The following NEGR1 variants were observed in gnomAD, a reference collection of about 807,000 sequenced individuals.
NEGR1 encodes the protein neuronal growth regulator 1.
NEGR1 carries 10 observed loss-of-function variants against 40.9 expected under a neutral mutation model. That is an observed-to-expected ratio of 0.24 (90% CI 0.15 to 0.42). The LOEUF is 0.42. NEGR1 is among the 10% of genes least tolerant of loss of function. NEGR1 has a pLI of 1.00. For synonymous variants in NEGR1, 185 were observed against 166.8 expected (o/e 1.11, Z -0.84); for missense variants, 352 against 438.9 (o/e 0.80, Z 1.77).
chr1:72,020,651 A>G (rs952509016), intron 1 of NEGR1, among the ~76,000 whole-genome samples: 6 of 152,208 alleles, frequency 3.9e-5, no homozygotes, highest in Non-Finnish European at 8.8e-5. Context: ...TATAGAAATA[A>G]CAAGGTAAAT....
chr1:71,924,887 C>G (rs1645757840), intron 2 of NEGR1, among the ~76,000 whole-genome samples: 1 of 151,732 alleles, frequency 6.6e-6, no homozygotes, highest in African/African-American at 2.4e-5. Flanking sequence ...TCTAACTAAT[C>G]CTTTTTTTTT....
intron 1 of NEGR1, among the ~76,000 whole-genome samples, chr1:71,950,397 G>A (rs573973061): frequency 6.6e-6 from 1 of 152,000 alleles, no homozygotes; most frequent in East Asian, 1.9e-4. Flanking sequence ...AAAAAAGAAT[G>A]CAAATTGAGT....
At chr1:71,684,883 C>A (rs944864553) in intron 4 of NEGR1, among the ~76,000 whole-genome samples, 27 of 152,126 alleles carry the variant, frequency 1.8e-4, no homozygotes, top group African/African-American at 6.5e-4. Context: ...GTACTGTGTT[C>A]TCTCAAACTT....
intron 4 of NEGR1, among the ~76,000 whole-genome samples, chr1:71,689,314 TTAAA>T (rs1375669818): frequency 2.6e-5 from 4 of 152,140 alleles, no homozygotes; most frequent in African/African-American, 9.7e-5. Flanking sequence ...TCTATAAAAC[TTAAA>T]TAACTATCAG....
At chr1:72,103,718 T>C (rs1649028900) in intron 1 of NEGR1, among the ~76,000 whole-genome samples, 1 of 152,076 alleles carries the variant, frequency 6.6e-6, no homozygotes, top group Admixed American at 6.6e-5. Context: ...TTCTCAGGTT[T>C]ATATTTTCTC....
intron 6 of NEGR1, among the ~76,000 whole-genome samples, chr1:71,439,354 T>TGTTTTTGTTTGTTC (rs1646531500): frequency 6.6e-6 from 1 of 152,148 alleles, no homozygotes; most frequent in Non-Finnish European, 1.5e-5. Flanking sequence ...CCTTCAATAA[T>TGTTTTTGTTTGTTC]GTTTTTGTTT....
At chr1:71,819,600 G>T (rs1294294185) in intron 2 of NEGR1, among the ~76,000 whole-genome samples, 3 of 151,890 alleles carry the variant, frequency 2.0e-5, no homozygotes, top group Admixed American at 6.6e-5. Flanking sequence ...AAAGAACAAA[G>T]AGATAGAAAA....
At chr1:71,869,425 A>T (rs986075387) in intron 2 of NEGR1, among the ~76,000 whole-genome samples, 21 of 152,188 alleles carry the variant, frequency 1.4e-4, no homozygotes, top group Non-Finnish European at 2.5e-4. Context: ...GGTTAAAAAT[A>T]AATCTGAATA....
chr1:71,487,661 C>T (rs1231932300), intron 6 of NEGR1, among the ~76,000 whole-genome samples: 2 of 151,578 alleles, frequency 1.3e-5, no homozygotes, highest in Non-Finnish European at 2.9e-5. Context: ...TATTACTGAG[C>T]TATGAATGAT....
At chr1:71,959,604 CTT>C (rs1049285742) in intron 1 of NEGR1, among the ~76,000 whole-genome samples, 4 of 152,170 alleles carry the variant, frequency 2.6e-5, no homozygotes, top group African/African-American at 9.6e-5. Flanking sequence ...TCAAAATAAA[CTT>C]AAGTTTATTA....
rs748027559 is a variant in NEGR1, at chr1:71,688,462, C to CTT, written c.667+9544_667+9545dup. 9.0e-4 allele frequency among the ~76,000 whole-genome samples: 8 copies of CTT among 8,886 alleles called. No individual in the cohort carries two copies. In the East Asian group the frequency reaches 0.071, roughly 79 times the overall value. 5.8% of individuals were successfully genotyped at this position (8,886 alleles called of 152,430 possible). A position where few individuals can be genotyped will look rare whatever the true frequency, so the allele number is the denominator to read the frequency against. On this transcript the variant is annotated intron_variant, in intron 4 of 6. Transcript: ENST00000357731. Reference sequence around the variant, plus strand: ...ATATATATAAAAGATATGTATATATCTTTTTTTTTTTTTGAGACAGAGTCT... The same window carrying CTT: ...ATATATATAAAAGATATGTATATATCTTTTTTTTTTTTTTTGAGACAGAGTCT...
intron 6 of NEGR1, among the ~76,000 whole-genome samples, chr1:71,563,644 G>T (rs1462194873): frequency 6.6e-6 from 1 of 151,978 alleles, no homozygotes; most frequent in Non-Finnish European, 1.5e-5. Context: ...GTAAGAGAAA[G>T]ATTTTTTTGT....
chr1:71,659,550 T>C (rs972618034), intron 4 of NEGR1, among the ~76,000 whole-genome samples: 1 of 152,078 alleles, frequency 6.6e-6, no homozygotes, highest in Non-Finnish European at 1.5e-5. Context: ...GCCAACCTAC[T>C]GAATGAAATA....
chr1:71,430,658 A>G (rs867233040), intron 6 of NEGR1, among the ~76,000 whole-genome samples: 2 of 149,948 alleles, frequency 1.3e-5, no homozygotes, highest in Admixed American at 6.7e-5. Flanking sequence ...GCTTTTTTTT[A>G]AAAAAAAAAA....
chr1:72,272,047 T>G (rs1655864473), intron 1 of NEGR1, among the ~76,000 whole-genome samples: 1 of 151,914 alleles, frequency 6.6e-6, no homozygotes, highest in Admixed American at 6.6e-5. Context: ...GAAAACAGAC[T>G]AATACAGAAA....
intron 1 of NEGR1, among the ~76,000 whole-genome samples, chr1:72,089,563 G>A (rs951640838): frequency 6.6e-6 from 1 of 152,116 alleles, no homozygotes; most frequent in Admixed American, 6.6e-5. Flanking sequence ...TTTTAAATTT[G>A]TAAAATAATA....
intron 6 of NEGR1, among the ~76,000 whole-genome samples, chr1:71,453,807 T>C (rs1646650752): frequency 6.6e-6 from 1 of 152,192 alleles, no homozygotes; most frequent in Non-Finnish European, 1.5e-5. Context: ...GCATGAACTC[T>C]GGAATGGTTC....
At chr1:71,709,874 C>A (rs780860029) in intron 3 of NEGR1, among the ~76,000 whole-genome samples, 1 of 152,120 alleles carries the variant, frequency 6.6e-6, no homozygotes, top group Non-Finnish European at 1.5e-5. Flanking sequence ...AATGAGATCA[C>A]ATCAATTTAA....
intron 4 of NEGR1, among the ~76,000 whole-genome samples, chr1:71,681,712 T>A (rs1652844601): frequency 6.6e-6 from 1 of 152,254 alleles, no homozygotes. Flanking sequence ...CTTTCTAATA[T>A]GTCCTAATAT....
Sources: allele counts gnomAD v4.1 joint callset (sites outside exome capture counted in the v4.1 genomes callset), GRCh38; gene constraint gnomAD v4.1.1; transcripts MANE v1.5; gene names NCBI Gene and HGNC (gene_info 2026-07-23, HGNC 2026-07-21).